NSD3: variants seen among roughly 807,000 people sequenced by gnomAD.
NSD3 encodes the protein histone-lysine N-methyltransferase NSD3.
NSD3 carries 24 observed loss-of-function variants against 160.8 expected under a neutral mutation model. The ratio of observed to expected loss-of-function variants is 0.15; its 90% CI spans 0.11 to 0.21. The LOEUF is 0.21. Ranked by LOEUF, NSD3 falls within the 10% of genes least tolerant of loss-of-function variation. NSD3 has a pLI of 1.00. For missense variants in NSD3, 1,157 were observed against 1,735.9 expected (o/e 0.67, Z 5.93); for synonymous variants, 520 against 600.0 (o/e 0.87, Z 1.95).
intron 21 of NSD3, among the ~76,000 whole-genome samples, 190 bp from the exon 22 acceptor site, chr8:38,278,602 C>T (rs1400443280): frequency 6.6e-6 from 1 of 152,182 alleles, no homozygotes; most frequent in Non-Finnish European, 1.5e-5. Context: ...CACCCAGGAA[C>T]AATGACAGCA....
chr8:38,354,921 T>G (rs1810787841), intron 1 of NSD3, among the ~76,000 whole-genome samples: 1 of 152,190 alleles, frequency 6.6e-6, no homozygotes, highest in Admixed American at 6.5e-5. Context: ...CTTCATATTA[T>G]GCCTCCAAAT....
intron 2 of NSD3, among the ~76,000 whole-genome samples, chr8:38,340,195 T>C (rs1414029847): frequency 6.6e-6 from 1 of 152,192 alleles, no homozygotes; most frequent in African/African-American, 2.4e-5. Context: ...AAAGAGGGTA[T>C]AGCCATTAAA....
intron 1 of NSD3, among the ~76,000 whole-genome samples, chr8:38,373,346 C>T (rs938282211): frequency 2.0e-5 from 3 of 152,064 alleles, no homozygotes; most frequent in African/African-American, 4.8e-5. Flanking sequence ...CCTCAGCCTC[C>T]CGAGTAGCTG....
intron 8 of NSD3, chr8:38,320,479 T>G (rs1809770177): frequency 6.6e-6 from 1 of 152,122 alleles, no homozygotes; most frequent in South Asian, 2.1e-4. Context: ...TACACTGGTT[T>G]AATACACTTC....
chr8:38,340,394 G>C (rs1810333158), intron 2 of NSD3, among the ~76,000 whole-genome samples: 1 of 152,176 alleles, frequency 6.6e-6, no homozygotes, highest in Admixed American at 6.5e-5. Flanking sequence ...CTGGAGTGTG[G>C]TGGCGCCATC....
At chr8:38,276,691 AT>A in intron 22 of NSD3, 191 bp from the exon 23 acceptor site, 1 of 638,284 alleles carries the variant, frequency 1.6e-6, no homozygotes, top group African/African-American at 1.8e-5. Context: ...CTTAAAAATT[AT>A]TTTATTTTTG....
Position 38,347,574 on chromosome 8 carries a change from T to C in NSD3, c.598A>G (p.Ser200Gly). Residue 200 changes from serine to glycine, a missense_variant, in exon 2 of 24, where the codon AGC becomes GGC. Coordinates refer to ENST00000317025, the MANE Select transcript of NSD3 (RefSeq NM_023034.2). ...HESRKEKRKK[S>G]NKHDSSRSEE... is the part of the protein sequence containing the mutation. ...GATCTTGATGAGTCATGCTTGTTGC[T>C]TTTTTTCCTCTTTTCTTTTCTGCTT... 1 of 1,613,610 alleles carries C rather than the reference T, an allele frequency of 6.2e-7. No homozygotes were observed. Among genetic ancestry groups the C allele is most frequent in the South Asian group, 1.1e-5 (1 of 90,984 alleles).
intron 18 of NSD3, 128 bp downstream of exon 18, chr8:38,289,263 CAA>C (rs1258972627): frequency 1.2e-6 from 1 of 853,132 alleles, no homozygotes; most frequent in Non-Finnish European, 1.8e-6. Context: ...TTGCACAAGT[CAA>C]AGAGGGTCTT....
intron 2 of NSD3, 147 bp from the exon 3 acceptor site, chr8:38,338,754 A>C: frequency 1.5e-6 from 1 of 652,410 alleles, no homozygotes; most frequent in Non-Finnish European, 2.7e-6. Flanking sequence ...AGGAGTAAGA[A>C]TACAACTTAC....
At chr8:38,307,735 G>A (rs1004604066) in intron 12 of NSD3, among the ~76,000 whole-genome samples, 5 of 152,104 alleles carry the variant, frequency 3.3e-5, no homozygotes, top group Non-Finnish European at 2.9e-5. Context: ...AGGGCTACAC[G>A]TCAAACTGAC....
chr8:38,276,628 G>T, intron 22 of NSD3, 128 bp from the exon 23 acceptor site: 2 of 898,764 alleles, frequency 2.2e-6, no homozygotes, highest in African/African-American at 1.7e-5. Context: ...AACATCAGGA[G>T]GCCTTATGCT....
At chr8:38,280,043 C>A (rs1563340557) in intron 20 of NSD3, 1 of 174,186 alleles carries the variant, frequency 5.7e-6, no homozygotes, top group East Asian at 1.5e-4. Context: ...TGTCAGCCTT[C>A]CTTTTCTGCT....
At chr8:38,303,271 T>C in intron 14 of NSD3, 1 of 985,440 alleles carries the variant, frequency 1.0e-6, no homozygotes, top group Non-Finnish European at 1.2e-6. Context: ...AATGCAGAGA[T>C]GGGAAAGGCA....
intron 13 of NSD3, 93 bp from the exon 14 acceptor site, chr8:38,304,850 G>C: frequency 7.5e-7 from 1 of 1,333,988 alleles, no homozygotes; most frequent in Non-Finnish European, 1.0e-6. Context: ...GTCCCTCTGA[G>C]ATGCTAGTTA....
intron 12 of NSD3, among the ~76,000 whole-genome samples, chr8:38,310,430 C>T (rs947526289): frequency 6.6e-6 from 1 of 152,122 alleles, no homozygotes; most frequent in African/African-American, 2.4e-5. Context: ...CATCAATGGA[C>T]ATTTGGGTTG....
intron 1 of NSD3, among the ~76,000 whole-genome samples, chr8:38,356,480 G>T (rs1810826909): frequency 6.6e-6 from 1 of 151,992 alleles, no homozygotes; most frequent in African/African-American, 2.4e-5. Context: ...TCCTTAGGAG[G>T]CTGAAGTAGA....
chr8:38,272,058 C>T lies in NSD3; in HGVS notation c.*3583G>A, dbSNP rs1418255949. The T allele has an allele frequency of 6.6e-6, 1 of 152,204 alleles. No homozygotes were observed. Among genetic ancestry groups the T allele is most frequent in the East Asian group, 1.9e-4 (1 of 5,198 alleles). The allele number at this position is 152,204 out of a possible 1,614,324, so 9.4% of individuals were successfully genotyped here. ...AAAAAGGAAATTCCACTTCATGAAC[C>T]AGGAAAGTTGTCCAATAGCCTGTCC... On this transcript the variant is annotated 3_prime_UTR_variant, in exon 24 of 24. Transcript: ENST00000317025.
chr8:38,325,786 G>A (rs1809894492), intron 7 of NSD3, among the ~76,000 whole-genome samples: 1 of 152,010 alleles, frequency 6.6e-6, no homozygotes, highest in Non-Finnish European at 1.5e-5. Context: ...GAGCCTGGGA[G>A]GTCGAGGCTG....
chr8:38,278,498 G>A, intron 21 of NSD3, 86 bp from the exon 22 acceptor site: 3 of 1,165,442 alleles, frequency 2.6e-6, no homozygotes, highest in Non-Finnish European at 3.6e-6. Flanking sequence ...ATGAAAAAAA[G>A]AGACATCATT....
Sources: allele counts gnomAD v4.1 joint callset (sites outside exome capture counted in the v4.1 genomes callset), GRCh38; gene constraint gnomAD v4.1.1; transcripts MANE v1.5; gene names NCBI Gene and HGNC (gene_info 2026-07-23, HGNC 2026-07-21).